Variants in SCRT2 observed in about 807,000 individuals in gnomAD.
SCRT2 encodes the protein scratch family transcriptional repressor 2.
SCRT2 carries 2 observed loss-of-function variants against 3.7 expected under a neutral mutation model. The observed-to-expected ratio is 0.54, with a 90% CI of 0.22 to 1.70. SCRT2 has a LOEUF of 1.70. Among genes scored for constraint, SCRT2 ranks in the 40% most tolerant of loss-of-function variants. The pLI is 0.19. For synonymous variants in SCRT2, 256 were observed against 220.6 expected (o/e 1.16, Z -1.42); for missense variants, 456 against 468.5 (o/e 0.97, Z 0.25).
chr20:664,166 C>G lies in SCRT2; in HGVS notation c.429G>C (p.Gly143=). Residue 143 remains glycine, a synonymous_variant, in exon 2 of 2, where the codon GGG becomes GGC. Coordinates refer to ENST00000246104, the MANE Select transcript of SCRT2 (RefSeq NM_033129.4). The surrounding 1 kb of genome is among the most constrained non-coding windows in gnomAD (Gnocchi z 7.9). ...CGCCGCCCGCCTGCGCCCCCGCGCG[C>G]CCCGCGCGCCCCCCGGCGCCCCCCG... is the stretch of plus-strand genomic sequence containing the variant. ...GDAGGAGGRA[G]RAGAQAGGGH... 1 of 1,075,512 alleles carries G rather than the reference C, an allele frequency of 9.3e-7. No individual in the cohort carries two copies. The highest frequency in any genetic ancestry group is 1.1e-6 in the Non-Finnish European group (1 of 889,792). The allele number at this position is 1,075,512 out of a possible 1,614,324, so 66.6% of individuals were successfully genotyped here.
intron 1 of SCRT2, among the ~76,000 whole-genome samples, chr20:673,449 G>A (rs1984409835): frequency 6.6e-6 from 1 of 152,238 alleles, no homozygotes; most frequent in South Asian, 2.1e-4. Flanking sequence ...CACACAGCAT[G>A]TGAGAGATCT....
Position 667,432 on chromosome 20 carries a change from T to C in SCRT2, c.134-2971A>G, listed in dbSNP as rs1984188705. Among the ~76,000 whole-genome samples, 1 of 152,206 alleles carries C rather than the reference T, an allele frequency of 6.6e-6. No individual in the cohort carries two copies. The highest frequency in any genetic ancestry group is 1.9e-4 in the East Asian group (1 of 5,198). ...CAGATGGGTTTCTGTGCTGCAGCTT[T>C]CTTGGCATCTGCCCCAACACATCGT... On this transcript the variant is annotated intron_variant, in intron 1 of 1. Transcript: ENST00000246104. The surrounding 1 kb of genome is among the most constrained non-coding windows in gnomAD (Gnocchi z 4.4).
Position 667,132 on chromosome 20 carries a change from A to G in SCRT2, c.134-2671T>C, listed in dbSNP as rs539663501. 6.6e-6 allele frequency among the ~76,000 whole-genome samples: 1 copy of G among 152,312 alleles called. No homozygotes were observed. The highest frequency in any genetic ancestry group is 1.9e-4 in the East Asian group (1 of 5,182). ...TTCAGTAAGGGGTCTGCCAGTAAAC[A>G]GTATATAAACAAATGATAACCAGCA... is the stretch of plus-strand genomic sequence containing the variant. On this transcript the variant is annotated intron_variant, in intron 1 of 1. Coordinates refer to ENST00000246104, the MANE Select transcript of SCRT2 (RefSeq NM_033129.4). The surrounding 1 kb of genome is among the most constrained non-coding windows in gnomAD (Gnocchi z 4.4).
In SCRT2 at chr20:664,511, G is replaced by T; in HGVS notation, c.134-50C>A. 3 of 1,189,212 alleles carry T rather than the reference G, an allele frequency of 2.5e-6. No individual in the cohort carries two copies. Among genetic ancestry groups the T allele is most frequent in the Non-Finnish European group, 3.2e-6 (3 of 945,760 alleles). The allele number at this position is 1,189,212 out of a possible 1,614,324, so 73.7% of individuals were successfully genotyped here. A position where few individuals can be genotyped will look rare whatever the true frequency, so the allele number is the denominator to read the frequency against. ...GCGGTGAGAGGAGGCGCCGAAGAGG[G>T]TTTCCCGCTTTGAGCGCGTCACCCT... On this transcript the variant is annotated intron_variant, in intron 1 of 1. Coordinates refer to ENST00000246104, the MANE Select transcript of SCRT2 (RefSeq NM_033129.4). The surrounding 1 kb of genome is among the most constrained non-coding windows in gnomAD (Gnocchi z 7.9).
chr20:663,624 G>T lies in SCRT2; in HGVS notation c.*47C>A. On this transcript the variant is annotated 3_prime_UTR_variant, in exon 2 of 2. Transcript: ENST00000246104. The surrounding 1 kb of genome is among the most constrained non-coding windows in gnomAD (Gnocchi z 6.9). Reference sequence around the variant, plus strand: ...CGCTGCGGGCGCAGGTAGGGGGCCCGGGGCGCGTGGAGAGCGAGTTCCGGG... The same window carrying T: ...CGCTGCGGGCGCAGGTAGGGGGCCCTGGGCGCGTGGAGAGCGAGTTCCGGG... 1 of 1,333,444 alleles carries T rather than the reference G, an allele frequency of 7.5e-7. No individual in the cohort carries two copies. The allele number at this position is 1,333,444 out of a possible 1,614,324, so 82.6% of individuals were successfully genotyped here. A position where few individuals can be genotyped will look rare whatever the true frequency, so the allele number is the denominator to read the frequency against.
chr20:664,621 C>G lies in SCRT2; in HGVS notation c.134-160G>C, dbSNP rs1984099207. ...ACCTCAGCTCTTCCTGTCAGGCAGC[C>G]TGGGTTCAATTCCTTCCTCCATCGA... On this transcript the variant is annotated intron_variant, in intron 1 of 1. Coordinates refer to ENST00000246104, the MANE Select transcript of SCRT2 (RefSeq NM_033129.4). The surrounding 1 kb of genome is among the most constrained non-coding windows in gnomAD (Gnocchi z 7.9). 1.3e-5 allele frequency among the ~76,000 whole-genome samples: 2 copies of G among 152,240 alleles called. No individual in the cohort carries two copies. The highest frequency in any genetic ancestry group is 4.8e-5 in the African/African-American group (2 of 41,468).
chr20:667,934 T>C lies in SCRT2; in HGVS notation c.134-3473A>G, dbSNP rs1470159870. 6.6e-6 allele frequency among the ~76,000 whole-genome samples: 1 copy of C among 152,202 alleles called. No homozygotes were observed. The highest frequency in any genetic ancestry group is 2.4e-5 in the African/African-American group (1 of 41,442). Reference sequence around the variant, plus strand: ...CTAAAGACCCTTTCTGCATCATGGCTGAATCAGTCCCTCCATGATGCTCTT... The same window carrying C: ...CTAAAGACCCTTTCTGCATCATGGCCGAATCAGTCCCTCCATGATGCTCTT... On this transcript the variant is annotated intron_variant, in intron 1 of 1. Transcript: ENST00000246104. The surrounding 1 kb of genome is among the most constrained non-coding windows in gnomAD (Gnocchi z 4.4).
In SCRT2 at chr20:664,352, G is replaced by C; in HGVS notation, c.243C>G (p.Tyr81Ter). ...PAYPPAAPEEYSDPESPQSSL... is the reference protein window; with the variant it reads ...PAYPPAAPEE ...TCGACTGCGGGCTTTCGGGGTCGCT[G>C]TACTCCTCCGGCGCCGCCGGCGGGT... The change falls in exon 2 of 2, where the codon TAC (tyrosine) becomes TAG (stop). Residue 81 changes from tyrosine to a stop codon, truncating the protein, a stop_gained. Coordinates refer to ENST00000246104, the MANE Select transcript of SCRT2 (RefSeq NM_033129.4). LOFTEE classifies it low-confidence loss of function (END_TRUNC). This position sits in a 1 kb window ranked among gnomAD's most constrained non-coding sequence, Gnocchi z 7.9. The C allele has an allele frequency of 6.8e-7, 1 of 1,477,560 alleles. No homozygotes were observed. Among genetic ancestry groups the C allele is most frequent in the Non-Finnish European group, 9.1e-7 (1 of 1,103,610 alleles). 91.5% of individuals were successfully genotyped at this position (1,477,560 alleles called of 1,614,324 possible). A position where few individuals can be genotyped will look rare whatever the true frequency, so the allele number is the denominator to read the frequency against.
chr20:668,831 C>A (rs1466013965), intron 1 of SCRT2, among the ~76,000 whole-genome samples: 1 of 152,214 alleles, frequency 6.6e-6, no homozygotes, highest in East Asian at 1.9e-4. Flanking sequence ...ATTTAGCTGC[C>A]TGACCCCCTG....
chr20:668,941 A>T (rs1225280705), intron 1 of SCRT2, among the ~76,000 whole-genome samples: 1 of 152,214 alleles, frequency 6.6e-6, no homozygotes, highest in Non-Finnish European at 1.5e-5. Flanking sequence ...CCCTGTGCCC[A>T]GAGGCCCAGA....
In SCRT2 at chr20:664,342, C is replaced by T; in HGVS notation, c.253G>A (p.Glu85Lys). The change falls in exon 2 of 2, where the codon GAA (glutamate) becomes AAA (lysine). Residue 85 changes from glutamate to lysine, a missense_variant. Coordinates refer to ENST00000246104, the MANE Select transcript of SCRT2 (RefSeq NM_033129.4). The surrounding 1 kb of genome is among the most constrained non-coding windows in gnomAD (Gnocchi z 7.9). ...GCCGACAGGCTCGACTGCGGGCTTT[C>T]GGGGTCGCTGTACTCCTCCGGCGCC... ...PAAPEEYSDP[E>K]SPQSSLSARY... 16 of 1,495,474 alleles carry T rather than the reference C, an allele frequency of 1.1e-5. No individual in the cohort carries two copies. Among genetic ancestry groups the T allele is most frequent in the Non-Finnish European group, 1.3e-5 (15 of 1,113,460 alleles). The allele number at this position is 1,495,474 out of a possible 1,614,324, so 92.6% of individuals were successfully genotyped here.
At position 663,458 on chromosome 20, in the gene SCRT2, G is replaced by C; in HGVS notation, c.*213C>G. 1 of 417,242 alleles carries C rather than the reference G, an allele frequency of 2.4e-6. No individual in the cohort carries two copies. Among genetic ancestry groups the C allele is most frequent in the Admixed American group, 4.6e-5 (1 of 21,648 alleles). 25.8% of individuals were successfully genotyped at this position (417,242 alleles called of 1,614,324 possible). A position where few individuals can be genotyped will look rare whatever the true frequency, so the allele number is the denominator to read the frequency against. On this transcript the variant is annotated 3_prime_UTR_variant, in exon 2 of 2. Transcript: ENST00000246104. The surrounding 1 kb of genome is among the most constrained non-coding windows in gnomAD (Gnocchi z 6.9). ...GGTCCGAGGGATGGCCGGAAAGGAT[G>C]AAGTGGGTCGGGGGACGCTGGGGAA...
Position 664,039 on chromosome 20 carries a change from G to T in SCRT2, c.556C>A (p.Arg186Ser), listed in dbSNP as rs1430074189. ...GCCTTGCCGCACGTCGGGCATTTGC[G>T]CGCCAGCTGGCTGTCCAGGCTGCGG... The part of the protein sequence containing the change: ...THRSLDSQLA[R>S]KCPTCGKAYV... Residue 186 changes from arginine to serine, a missense_variant, in exon 2 of 2, where the codon CGC (arginine) becomes AGC (serine). By Grantham distance (110) the Arg-to-Ser change is moderately radical (BLOSUM62 -1). This residue lies in a region of SCRT2 where 306 missense variants were observed against 305.3 expected (regional missense o/e 1.00). Coordinates refer to ENST00000246104, the MANE Select transcript of SCRT2 (RefSeq NM_033129.4). The surrounding 1 kb of genome is among the most constrained non-coding windows in gnomAD (Gnocchi z 7.9). 1 of 1,612,010 alleles carries T rather than the reference G, an allele frequency of 6.2e-7. No homozygotes were observed. Among genetic ancestry groups the T allele is most frequent in the African/African-American group, 1.3e-5 (1 of 74,996 alleles).
chr20:673,989 T>G (rs12480697), intron 1 of SCRT2, among the ~76,000 whole-genome samples: 39,909 of 152,154 alleles, frequency 0.26, 6,304 homozygotes, highest in Non-Finnish European at 0.34. Context: ...TGCTCAGCCA[T>G]GTCCCTGGGC....
rs1463371778 is a variant in SCRT2, at chr20:663,977, G to C, written c.618C>G (p.Leu206=). Residue 206 remains leucine, a synonymous_variant, in exon 2 of 2, where the codon CTC becomes CTG. Transcript: ENST00000246104. The surrounding 1 kb of genome is among the most constrained non-coding windows in gnomAD (Gnocchi z 6.9). ...CGCACTTGTGGCGCAGGTTGTGCGT[G>C]AGCAGGTGCATGGCGAGCGCGGGCA... ...VSMPALAMHL[L]THNLRHKCGV... 2 of 1,610,776 alleles carry C rather than the reference G, an allele frequency of 1.2e-6. No individual in the cohort carries two copies. The highest frequency in any genetic ancestry group is 2.7e-5 in the African/African-American group (2 of 74,914).
chr20:670,307 C>T (rs1302973481), intron 1 of SCRT2, among the ~76,000 whole-genome samples: 1 of 152,168 alleles, frequency 6.6e-6, no homozygotes, highest in Non-Finnish European at 1.5e-5. Context: ...TCCACCTCTT[C>T]CCCCGGCCTC....
chr20:670,955 A>G (rs1984313518), intron 1 of SCRT2, among the ~76,000 whole-genome samples: 1 of 152,202 alleles, frequency 6.6e-6, no homozygotes, highest in South Asian at 2.1e-4. Context: ...TCAAAGCTGA[A>G]AGAGATCATA....
rs372591752 is a variant in SCRT2, at chr20:667,832, C to T, written c.134-3371G>A. Among the ~76,000 whole-genome samples the T allele has an allele frequency of 2.0e-5, 3 of 150,398 alleles. No homozygotes were observed. The highest frequency in any genetic ancestry group is 6.6e-5 in the Admixed American group (1 of 15,042). ...TCATGTTAGGAGGAGGTGGTTCTAACTTGCTTTGTGACTGTGGCCAGGTTG... is the reference window on the plus strand; with the variant it reads ...TCATGTTAGGAGGAGGTGGTTCTAATTTGCTTTGTGACTGTGGCCAGGTTG... On this transcript the variant is annotated intron_variant, in intron 1 of 1. Transcript: ENST00000246104. The surrounding 1 kb of genome is among the most constrained non-coding windows in gnomAD (Gnocchi z 4.4).
Position 666,849 on chromosome 20 carries a change from A to G in SCRT2, c.134-2388T>C, listed in dbSNP as rs1200532170. Reference sequence around the variant, plus strand: ...ATGTGTCTGGGGCCATGGAAGGGGAAGGGTGGTTTGGTTCTCCAACACAGA... The same window carrying G: ...ATGTGTCTGGGGCCATGGAAGGGGAGGGGTGGTTTGGTTCTCCAACACAGA... On this transcript the variant is annotated intron_variant, in intron 1 of 1. Coordinates refer to ENST00000246104, the MANE Select transcript of SCRT2 (RefSeq NM_033129.4). This position sits in a 1 kb window ranked among gnomAD's most constrained non-coding sequence, Gnocchi z 4.4. Among the ~76,000 whole-genome samples, 1 of 152,206 alleles carries G rather than the reference A, an allele frequency of 6.6e-6. No homozygotes were observed. The highest frequency in any genetic ancestry group is 1.9e-4 in the East Asian group (1 of 5,200).
Sources: gnomAD v4.1 joint callset for allele counts (sites outside exome capture counted in the v4.1 genomes callset) on GRCh38, gnomAD v4.1.1 for gene constraint, gnomAD v4.1.1 regional missense constraint, Gnocchi (gnomAD v3.1) non-coding constraint, MANE v1.5 for transcripts, NCBI Gene and HGNC (gene_info 2026-07-23, HGNC 2026-07-21) for gene names.